Variants in SPATS2 observed in about 807,000 individuals in gnomAD.
SPATS2 encodes the protein spermatogenesis associated serine rich 2.
In SPATS2, 38 loss-of-function variants were observed where a neutral mutation model predicts 63.7. The ratio of observed to expected loss-of-function variants is 0.60; its 90% CI spans 0.46 to 0.78. The LOEUF (loss-of-function observed/expected upper bound fraction) is 0.78, where lower values mean the gene tolerates loss of function less well. SPATS2 is among the 30% of genes least tolerant of loss of function. The probability of loss-of-function intolerance (pLI) is 0.00; values close to 1 mark genes in which losing one functional copy is unlikely to be tolerated. For synonymous variants in SPATS2, 207 were observed against 232.9 expected (o/e 0.89, Z 1.01); for missense variants, 588 against 666.2 (o/e 0.88, Z 1.29).
intron 2 of SPATS2, among the ~76,000 whole-genome samples, chr12:49,376,709 A>ATT (rs33952223): frequency 1.3e-4 from 7 of 55,764 alleles, no homozygotes; most frequent in African/African-American, 3.1e-4. Context: ...TGTTTTGTTG[A>ATT]TTTTTTTTTT....
At chr12:49,435,067 G>C (rs1245232423) in intron 2 of SPATS2, among the ~76,000 whole-genome samples, 1 of 114,794 alleles carries the variant, frequency 8.7e-6, no homozygotes, top group Non-Finnish European at 1.6e-5. Flanking sequence ...TGCTCTGTCT[G>C]TCGCCCAGGT....
intron 2 of SPATS2, among the ~76,000 whole-genome samples, chr12:49,382,495 A>G (rs1051443353): frequency 6.6e-6 from 1 of 152,186 alleles, no homozygotes; most frequent in African/African-American, 2.4e-5. Flanking sequence ...TTTATGAGTA[A>G]TGAAAAAATT....
chr12:49,404,599 A>G (rs561066871), intron 2 of SPATS2, among the ~76,000 whole-genome samples: 4 of 152,174 alleles, frequency 2.6e-5, no homozygotes, highest in Non-Finnish European at 4.4e-5. Flanking sequence ...ATATTTAAAT[A>G]GAGACTTGAA....
intron 3 of SPATS2, among the ~76,000 whole-genome samples, chr12:49,472,611 T>TTATATA (rs139641031): frequency 2.3e-3 from 339 of 145,108 alleles, no homozygotes; most frequent in African/African-American, 6.3e-3. Flanking sequence ...TTTATATATT[T>TTATATA]TATATATATA....
At chr12:49,368,582 G>A (rs79601649) in intron 1 of SPATS2, among the ~76,000 whole-genome samples, 16,027 of 152,202 alleles carry the variant, frequency 0.11, 952 homozygotes, top group African/African-American at 0.16. Flanking sequence ...TACTGGTTTT[G>A]TGTTTGTGGG....
intron 9 of SPATS2, among the ~76,000 whole-genome samples, chr12:49,509,349 C>T (rs142334840): frequency 0.012 from 1,586 of 133,896 alleles, 27 homozygotes; most frequent in African/African-American, 0.044. Flanking sequence ...GGCATGATCT[C>T]GGCTCACTGC....
chr12:49,514,174 T>C (rs1489558944), intron 9 of SPATS2, among the ~76,000 whole-genome samples: 1 of 151,096 alleles, frequency 6.6e-6, no homozygotes, highest in Non-Finnish European at 1.5e-5. Context: ...AAAAAAAGTA[T>C]GTGAGTACAT....
chr12:49,422,015 G>A (rs1243276177), intron 2 of SPATS2, among the ~76,000 whole-genome samples: 1 of 152,120 alleles, frequency 6.6e-6, no homozygotes, highest in Non-Finnish European at 1.5e-5. Context: ...AATGTTAAAT[G>A]CTTTTTACCT....
At chr12:49,382,111 TA>T (rs1280449694) in intron 2 of SPATS2, among the ~76,000 whole-genome samples, 8 of 152,264 alleles carry the variant, frequency 5.3e-5, no homozygotes, top group African/African-American at 1.9e-4. Flanking sequence ...CCTCTGTGCC[TA>T]TACCTATTTT....
intron 12 of SPATS2, 149 bp downstream of exon 12, chr12:49,523,002 G>A: frequency 1.6e-6 from 1 of 625,310 alleles, no homozygotes; most frequent in Non-Finnish European, 2.7e-6. Flanking sequence ...TGAAGTCCAT[G>A]GGTGCAGATA....
intron 2 of SPATS2, among the ~76,000 whole-genome samples, chr12:49,409,407 G>A (rs766183741): frequency 1.6e-4 from 24 of 151,896 alleles, no homozygotes; most frequent in Non-Finnish European, 1.6e-4. Flanking sequence ...CCGGGTTCAC[G>A]CCATTCTCCT....
intron 9 of SPATS2, among the ~76,000 whole-genome samples, chr12:49,509,000 G>T (rs1029330411): frequency 2.6e-5 from 4 of 151,930 alleles, no homozygotes; most frequent in African/African-American, 9.7e-5. Context: ...GGACGCAAAG[G>T]TTGCAGTGAG....
intron 10 of SPATS2, among the ~76,000 whole-genome samples, chr12:49,518,250 A>T (rs1214236737): frequency 2.0e-5 from 3 of 152,194 alleles, no homozygotes. Context: ...GGTAGTAGAG[A>T]ACATTCGTTG....
intron 10 of SPATS2, among the ~76,000 whole-genome samples, chr12:49,516,177 A>G (rs1292914156): frequency 7.3e-5 from 3 of 40,980 alleles, no homozygotes; most frequent in East Asian, 2.6e-3. Flanking sequence ...ATATATATAT[A>G]TATATATATA....
At chr12:49,462,029 C>T (rs1295241677) in intron 3 of SPATS2, among the ~76,000 whole-genome samples, 1 of 151,968 alleles carries the variant, frequency 6.6e-6, no homozygotes, top group Non-Finnish European at 1.5e-5. Context: ...CATCTGTTTT[C>T]ACCCTGCAAA....
At chr12:49,408,252 C>CTTT (rs201465422) in intron 2 of SPATS2, among the ~76,000 whole-genome samples, 95 of 137,114 alleles carry the variant, frequency 6.9e-4, no homozygotes, top group African/African-American at 1.3e-3. Context: ...TAGTATTCTT[C>CTTT]TTTTTTTTTT....
chr12:49,414,596 A>G (rs1023014545), intron 2 of SPATS2, among the ~76,000 whole-genome samples: 1 of 152,042 alleles, frequency 6.6e-6, no homozygotes, highest in Non-Finnish European at 1.5e-5. Context: ...CTTTGCCCAG[A>G]AGGCTTTTTT....
intron 3 of SPATS2, among the ~76,000 whole-genome samples, chr12:49,481,457 C>CTTTTTTTTTTTTTTTTTTTTTTTTTT (rs1565742917): frequency 7.3e-6 from 1 of 137,398 alleles, no homozygotes; most frequent in African/African-American, 2.9e-5. Context: ...AAGGCTTCCT[C>CTTTTTTTTTTTTTTTTTTTTTTTTTT]ATTTTTTTTT....
At chr12:49,380,725 ATATTTATC>A (rs1944203549) in intron 2 of SPATS2, among the ~76,000 whole-genome samples, 1 of 151,696 alleles carries the variant, frequency 6.6e-6, no homozygotes, top group South Asian at 2.1e-4. Flanking sequence ...ATATATATAT[ATATTTATC>A]TATTTATGGT....
Sources: gnomAD v4.1 joint callset for allele counts (sites outside exome capture counted in the v4.1 genomes callset) on GRCh38, gnomAD v4.1.1 for gene constraint, MANE v1.5 for transcripts, NCBI Gene and HGNC (gene_info 2026-07-23, HGNC 2026-07-21) for gene names.